GARS1: variants seen among roughly 807,000 people sequenced by gnomAD.
The protein encoded by GARS1 is glycine--tRNA ligase.
In GARS1, 46 loss-of-function variants were observed where a neutral mutation model predicts 86.4. That is an observed-to-expected ratio of 0.53 (90% CI 0.42 to 0.68). The LOEUF is 0.68. Among genes scored for constraint, GARS1 ranks in the 30% least tolerant of loss-of-function variants. The pLI is 0.00. For synonymous variants in GARS1, 342 were observed against 329.8 expected, an observed-to-expected ratio of 1.04 and a Z score of -0.40; for missense variants, 797 against 915.6, an observed-to-expected ratio of 0.87 and a Z score of 1.67.
intron 13 of GARS1, among the ~76,000 whole-genome samples, chr7:30,626,806 C>A (rs1239890452): frequency 6.6e-6 from 1 of 152,106 alleles, no homozygotes; most frequent in African/African-American, 2.4e-5. Context: ...CATGGTGAAA[C>A]CCCGTCTCTA....
intron 9 of GARS1, 89 bp downstream of exon 9, chr7:30,616,147 A>C: frequency 7.0e-7 from 1 of 1,437,850 alleles, no homozygotes; most frequent in Non-Finnish European, 9.8e-7. Context: ...GTGACAAGAT[A>C]TTTTATTTTG....
intron 4 of GARS1, among the ~76,000 whole-genome samples, chr7:30,602,369 G>A (rs146840531): frequency 2.5e-4 from 38 of 152,272 alleles, no homozygotes; most frequent in African/African-American, 8.9e-4. Context: ...GAGCCACTGC[G>A]CCCGGCCTGA....
At chr7:30,618,857 G>A (rs370227045) in intron 10 of GARS1, among the ~76,000 whole-genome samples, 6 of 152,194 alleles carry the variant, frequency 3.9e-5, no homozygotes, top group African/African-American at 1.4e-4. Flanking sequence ...TAGCAAGCTT[G>A]CTTGACATAT....
chr7:30,627,570 A>G (rs1562782349), intron 13 of GARS1, among the ~76,000 whole-genome samples: 3 of 152,208 alleles, frequency 2.0e-5, no homozygotes, highest in Non-Finnish European at 4.4e-5. Flanking sequence ...TCCTTTCCAC[A>G]TAATAAGTAA....
In GARS1 at chr7:30,633,815, G is replaced by C; in HGVS notation, c.2175G>C (p.Leu725=). Residue 725 remains leucine (L), a synonymous_variant, in exon 17 of 17, where the codon CTG becomes CTC. Coordinates refer to ENST00000389266, the MANE Select transcript of GARS1 (RefSeq NM_002047.4). The part of the protein sequence containing the change: ...TWADVEARYP[L]FEGQETGKKE... ...CTGATGTGGAGGCCAGGTATCCTCT[G>C]TTTGAAGGGCAAGAGACTGGTAAAA... The C allele has an allele frequency of 6.5e-7, 1 of 1,537,058 alleles. No individual in the cohort carries two copies. Among genetic ancestry groups the C allele is most frequent in the Non-Finnish European group, 8.8e-7 (1 of 1,132,888 alleles).
intron 10 of GARS1, 44 bp from the exon 11 acceptor site, chr7:30,621,349 G>T: frequency 1.3e-6 from 2 of 1,486,974 alleles, no homozygotes; most frequent in Non-Finnish European, 1.9e-6. Flanking sequence ...CCCAATATAA[G>T]TAATAATAAG....
chr7:30,609,514 A>G (rs1041170824), intron 6 of GARS1, 71 bp from the exon 7 acceptor site: 2 of 1,315,158 alleles, frequency 1.5e-6, no homozygotes, highest in African/African-American at 2.9e-5. Flanking sequence ...GGCTAGGGTT[A>G]TATATAATAC....
intron 7 of GARS1, among the ~76,000 whole-genome samples, chr7:30,610,488 C>T (rs1007729017): frequency 9.2e-5 from 14 of 152,244 alleles, no homozygotes; most frequent in Middle Eastern, 6.8e-3. Flanking sequence ...CTAGATAGAT[C>T]GTGTTTCCCA....
intron 1 of GARS1, among the ~76,000 whole-genome samples, chr7:30,597,697 A>T (rs1247851371): frequency 6.6e-6 from 1 of 152,258 alleles, no homozygotes; most frequent in African/African-American, 2.4e-5. Context: ...AATGCTTAAG[A>T]TAATTTTTAA....
intron 10 of GARS1, among the ~76,000 whole-genome samples, chr7:30,618,131 T>A (rs1219967860): frequency 1.3e-5 from 2 of 152,190 alleles, no homozygotes; most frequent in African/African-American, 4.8e-5. Context: ...CTACTTTTTT[T>A]AAAACAAAAA....
chr7:30,622,237 T>C, intron 11 of GARS1, 80 bp from the exon 12 acceptor site: 5 of 1,551,602 alleles, frequency 3.2e-6, no homozygotes, highest in Non-Finnish European at 4.4e-6. Flanking sequence ...GGTTTTAAGT[T>C]GATGATTGAT....
At chr7:30,621,608 A>T in intron 11 of GARS1, 108 bp downstream of exon 11, 1 of 844,818 alleles carries the variant, frequency 1.2e-6, no homozygotes, top group Non-Finnish European at 2.1e-6. Context: ...GATGTTTTAG[A>T]CACTGTAGTA....
At chr7:30,620,362 AGG>A (rs1782980202) in intron 10 of GARS1, among the ~76,000 whole-genome samples, 1 of 152,104 alleles carries the variant, frequency 6.6e-6, no homozygotes, top group South Asian at 2.1e-4. Context: ...GATCCTTGTG[AGG>A]GCCCCATTCT....
chr7:30,616,772 G>T (rs1020116121), intron 9 of GARS1, among the ~76,000 whole-genome samples: 4 of 152,148 alleles, frequency 2.6e-5, no homozygotes, highest in Non-Finnish European at 4.4e-5. Flanking sequence ...TAATTCAGAG[G>T]GGAATGTCTT....
intron 6 of GARS1, 33 bp from the exon 7 acceptor site, chr7:30,609,552 T>A: frequency 1.3e-6 from 2 of 1,591,444 alleles, no homozygotes; most frequent in Non-Finnish European, 8.6e-7. Flanking sequence ...GTTTTCTCTG[T>A]CTTTTACACT....
intron 12 of GARS1, among the ~76,000 whole-genome samples, chr7:30,624,978 T>C (rs1783098018): frequency 6.6e-6 from 1 of 152,158 alleles, no homozygotes; most frequent in Non-Finnish European, 1.5e-5. Flanking sequence ...AGTCTCACTC[T>C]GTCACCTAGG....
intron 6 of GARS1, among the ~76,000 whole-genome samples, chr7:30,608,864 C>G (rs550679539): frequency 6.6e-6 from 1 of 152,064 alleles, no homozygotes; most frequent in African/African-American, 2.4e-5. Flanking sequence ...TTTCTGAACT[C>G]GAAGCTTCAG....
chr7:30,628,782 A>T, intron 14 of GARS1, 113 bp downstream of exon 14: 1 of 664,768 alleles, frequency 1.5e-6, no homozygotes, highest in South Asian at 1.6e-5. Flanking sequence ...TATTACTATA[A>T]TCTAGTGCTA....
chr7:30,632,025 G>A lies in GARS1; in HGVS notation c.1904-222G>A. The A allele has an allele frequency of 1.8e-6, 1 of 543,942 alleles. No homozygotes were observed. Among genetic ancestry groups the A allele is most frequent in the Non-Finnish European group, 3.3e-6 (1 of 304,614 alleles). The allele number at this position is 543,942 out of a possible 1,614,324, so 33.7% of individuals were successfully genotyped here. On this transcript the variant is annotated intron_variant, in intron 15 of 16. Coordinates refer to ENST00000389266, the MANE Select transcript of GARS1 (RefSeq NM_002047.4). This position sits in a 1 kb window ranked among gnomAD's most constrained non-coding sequence, Gnocchi z 4.1. ...GGCCTTGGCTCTTGGTCCCATATTT[G>A]TTCCCCCTATAGCTGTATCAGATGG... is the stretch of plus-strand genomic sequence containing the variant.
Sources: gnomAD v4.1 joint callset for allele counts (sites outside exome capture counted in the v4.1 genomes callset) on GRCh38, gnomAD v4.1.1 for gene constraint, Gnocchi (gnomAD v3.1) non-coding constraint, MANE v1.5 for transcripts, NCBI Gene and HGNC (gene_info 2026-07-23, HGNC 2026-07-21) for gene names.